Variants in ARID2 observed in about 807,000 individuals in gnomAD.
ARID2 encodes AT-rich interaction domain 2.
In ARID2, 32 loss-of-function variants were observed where a neutral mutation model predicts 184.6. That is an observed-to-expected ratio of 0.17 (90% CI 0.13 to 0.23). ARID2 has a LOEUF of 0.23. ARID2 is among the 10% of genes least tolerant of loss of function. ARID2 has a pLI of 1.00. For missense variants in ARID2, 1,696 were observed against 2,197.6 expected (o/e 0.77, Z 4.56); for synonymous variants, 836 against 772.6 (o/e 1.08, Z -1.36).
intron 20 of ARID2, 148 bp from the exon 21 acceptor site, chr12:45,904,786 C>G (rs929704092): frequency 3.0e-5 from 21 of 705,158 alleles, no homozygotes; most frequent in Non-Finnish European, 4.6e-5. Flanking sequence ...CCAGATGCTT[C>G]CCTCTCTTCC....
rs116429430 is a variant in ARID2 at position 45,857,435 on chromosome 12, A to G, written c.4774-3366A>G. On this transcript the variant is annotated intron_variant, in intron 15 of 20. Transcript: ENST00000334344. ...TACTGCCACTCAGATTTGTAGACCA[A>G]TAGCACATTATAAAACTAAGAAAAG... 7.1e-3 allele frequency among the ~76,000 whole-genome samples: 1,071 copies of G among 150,530 alleles called. 10 individuals are homozygous for G. Among genetic ancestry groups the G allele is most frequent in the African/African-American group, 0.024 (1,012 of 41,468 alleles).
chr12:45,731,701 C>A (rs1941004747), intron 3 of ARID2, among the ~76,000 whole-genome samples: 1 of 151,040 alleles, frequency 6.6e-6, no homozygotes, highest in South Asian at 2.1e-4. Context: ...TTTGGAAACT[C>A]CTTTAGTTTT....
chr12:45,845,254 G>A (rs1283628350), intron 11 of ARID2, among the ~76,000 whole-genome samples: 1 of 152,126 alleles, frequency 6.6e-6, no homozygotes, highest in African/African-American at 2.4e-5. Context: ...AGATGATAAA[G>A]GGAGGAAGAT....
At chr12:45,733,806 G>A (rs1044627834) in intron 3 of ARID2, among the ~76,000 whole-genome samples, 1 of 152,150 alleles carries the variant, frequency 6.6e-6, no homozygotes, top group Non-Finnish European at 1.5e-5. Context: ...ATATAGACTT[G>A]AGTATTAATG....
At chr12:45,848,070 A>G (rs890123678) in intron 12 of ARID2, among the ~76,000 whole-genome samples, 1 of 151,870 alleles carries the variant, frequency 6.6e-6, no homozygotes, top group Non-Finnish European at 1.5e-5. Flanking sequence ...CGTTTCTGCT[A>G]TTTCTTGGAG....
At position 45,851,442 on chromosome 12, in the gene ARID2, G is replaced by C. The variant is rs529386166; in HGVS notation, c.3319G>C (p.Ala1107Pro). The C allele has an allele frequency of 6.2e-7, 1 of 1,614,082 alleles. No individual in the cohort carries two copies. The highest frequency in any genetic ancestry group is 1.3e-5 in the African/African-American group (1 of 75,020). ...VVYQVASNQA[A>P]GFGVQGQTPA... ...CTATCAGGTGGCCAGTAACCAAGCC[G>C]CAGGTTTTGGAGTGCAGGGGCAAAC... is the stretch of plus-strand genomic sequence containing the variant. Residue 1107 changes from alanine to proline, a missense_variant, in exon 15 of 21, where the codon GCA (alanine) becomes CCA (proline). Around this residue, in one of 11 missense-constraint regions of ARID2, gnomAD observed 713 missense variants for 824.4 expected, o/e 0.86. Coordinates refer to ENST00000334344, the MANE Select transcript of ARID2 (RefSeq NM_152641.4).
intron 3 of ARID2, among the ~76,000 whole-genome samples, chr12:45,737,541 T>C (rs1046564384): frequency 2.0e-5 from 3 of 151,502 alleles, no homozygotes; most frequent in Non-Finnish European, 4.4e-5. Flanking sequence ...TTTAATATTT[T>C]AGGCATACTT....
At chr12:45,796,799 C>T (rs931863868) in intron 3 of ARID2, among the ~76,000 whole-genome samples, 5 of 152,170 alleles carry the variant, frequency 3.3e-5, no homozygotes, top group Non-Finnish European at 2.9e-5. Context: ...TGAACCATTG[C>T]GCCTGGCCAA....
At chr12:45,821,353 T>C in intron 5 of ARID2, 67 bp from the exon 6 acceptor site, 1 of 976,618 alleles carries the variant, frequency 1.0e-6, no homozygotes, top group East Asian at 3.1e-5. Flanking sequence ...AAGCCTATTA[T>C]TAAATAATTA....
chr12:45,787,682 C>T (rs182221971), intron 3 of ARID2, among the ~76,000 whole-genome samples: 3 of 152,208 alleles, frequency 2.0e-5, no homozygotes, highest in East Asian at 3.9e-4. Context: ...TAAACCTTAT[C>T]TTTTCTTTAA....
intron 4 of ARID2, among the ~76,000 whole-genome samples, chr12:45,813,995 A>G (rs1361393496): frequency 6.6e-6 from 1 of 152,008 alleles, no homozygotes; most frequent in Non-Finnish European, 1.5e-5. Flanking sequence ...TAGGTGGATT[A>G]TTATTATTAT....
chr12:45,732,018 T>C (rs1451727422), intron 3 of ARID2, among the ~76,000 whole-genome samples: 1 of 151,970 alleles, frequency 6.6e-6, no homozygotes, highest in Non-Finnish European at 1.5e-5. Flanking sequence ...AAGTTTAATT[T>C]CTTATTCAGT....
chr12:45,795,804 C>T (rs919541564), intron 3 of ARID2, among the ~76,000 whole-genome samples: 1 of 151,970 alleles, frequency 6.6e-6, no homozygotes, highest in African/African-American at 2.4e-5. Flanking sequence ...CTTTATATCC[C>T]TCCTTTTCCT....
rs1320142801 is a variant in ARID2, at chr12:45,851,050, C to G, written c.2927C>G (p.Pro976Arg). ...ATAACTCCATCTTCTTCACCATCAC[C>G]TGTCCCAGCTACTAATAACCAAGTC... is the stretch of plus-strand genomic sequence containing the variant. ...PNITPSSSPS[P>R]VPATNNQVPT... The change falls in exon 15 of 21, where the codon CCT (proline) becomes CGT (arginine). Residue 976 changes from proline (P) to arginine (R), a missense_variant. Coordinates refer to ENST00000334344, the MANE Select transcript of ARID2 (RefSeq NM_152641.4). 1 of 1,614,148 alleles carries G rather than the reference C, an allele frequency of 6.2e-7. No individual in the cohort carries two copies. Among genetic ancestry groups the G allele is most frequent in the African/African-American group, 1.3e-5 (1 of 75,044 alleles).
chr12:45,857,102 A>G (rs767227099), intron 15 of ARID2, among the ~76,000 whole-genome samples: 7 of 152,214 alleles, frequency 4.6e-5, no homozygotes, highest in Non-Finnish European at 1.5e-5. Context: ...GTTGAACATA[A>G]TCTGTTAGTT....
chr12:45,793,917 A>T (rs1942340542), intron 3 of ARID2, among the ~76,000 whole-genome samples: 1 of 151,420 alleles, frequency 6.6e-6, no homozygotes, highest in Non-Finnish European at 1.5e-5. Flanking sequence ...TCCTCTGACT[A>T]CCTTTAATAA....
At chr12:45,842,872 C>A (rs1011080696) in intron 11 of ARID2, among the ~76,000 whole-genome samples, 3 of 152,088 alleles carry the variant, frequency 2.0e-5, no homozygotes, top group Non-Finnish European at 2.9e-5. Flanking sequence ...CTCTCAATGA[C>A]TATTACTTAC....
intron 10 of ARID2, 71 bp from the exon 11 acceptor site, chr12:45,839,258 A>G (rs888246500): frequency 1.5e-4 from 199 of 1,343,952 alleles, no homozygotes; most frequent in Admixed American, 1.2e-3. Context: ...TCTGTACAAC[A>G]TGTGTTCACC....
intron 15 of ARID2, among the ~76,000 whole-genome samples, chr12:45,855,531 G>GTTCTTTTAAAA (rs1943631627): frequency 6.6e-6 from 1 of 152,128 alleles, no homozygotes; most frequent in Non-Finnish European, 1.5e-5. Context: ...TAATGGGGAA[G>GTTCTTTTAAAA]GTATGCTTTA....
Sources: gnomAD v4.1 joint callset for allele counts (sites outside exome capture counted in the v4.1 genomes callset) on GRCh38, gnomAD v4.1.1 for gene constraint, gnomAD v4.1.1 regional missense constraint, MANE v1.5 for transcripts, NCBI Gene and HGNC (gene_info 2026-07-23, HGNC 2026-07-21) for gene names.